The following CHRM2 variants were observed in gnomAD, a reference collection of about 807,000 sequenced individuals.
The protein encoded by CHRM2 is muscarinic acetylcholine receptor M2.
A neutral mutation model predicts 25.0 loss-of-function variants in CHRM2; 8 were observed. The observed-to-expected ratio is 0.32, with a 90% CI of 0.19 to 0.58. The LOEUF is 0.58. CHRM2 is among the 20% of genes least tolerant of loss of function. CHRM2 has a pLI of 0.88. For synonymous variants in CHRM2, 202 were observed against 205.7 expected (o/e 0.98, Z 0.15); for missense variants, 440 against 567.1 (o/e 0.78, Z 2.28).
In CHRM2 at chr7:136,895,218, A is replaced by G. The variant is rs750089383; in HGVS notation, c.-125+25800A>G. On this transcript the variant is annotated intron_variant, in intron 2 of 3. Coordinates refer to ENST00000680005, the MANE Select transcript of CHRM2 (RefSeq NM_001006630.2). The stretch of plus-strand genomic sequence containing the variant: ...AGAAATACAAAACTGTGTGCTTCAG[A>G]TAAGTCTCATTTCCAATTTGATAAC... 1.4e-4 allele frequency among the ~76,000 whole-genome samples: 21 copies of G among 152,190 alleles called. No homozygotes were observed. The South Asian group carries it at 1.4e-3, about 10-fold the overall frequency.
chr7:137,006,701 C>T (rs1435826892), intron 3 of CHRM2, among the ~76,000 whole-genome samples: 2 of 151,886 alleles, frequency 1.3e-5, no homozygotes, highest in Non-Finnish European at 2.9e-5. Flanking sequence ...GCACTGCACA[C>T]AAACCTTAAG....
chr7:136,936,198 G>C (rs990762845), intron 2 of CHRM2, among the ~76,000 whole-genome samples: 1 of 152,260 alleles, frequency 6.6e-6, no homozygotes, highest in Admixed American at 6.5e-5. Context: ...AAATAATGTA[G>C]TTTTCCAATG....
At chr7:136,921,766 TTTTCTTTCTTTC>T (rs565701193) in intron 2 of CHRM2, among the ~76,000 whole-genome samples, 5 of 147,544 alleles carry the variant, frequency 3.4e-5, no homozygotes, top group Non-Finnish European at 7.6e-5. Flanking sequence ...ATTCATGCAA[TTTTCTTTCTTTC>T]TTTCTTTCTT....
intron 2 of CHRM2, among the ~76,000 whole-genome samples, chr7:136,945,159 T>C (rs1484878587): frequency 2.0e-5 from 3 of 152,124 alleles, no homozygotes; most frequent in Non-Finnish European, 4.4e-5. Flanking sequence ...ATTGCAAAGA[T>C]GTTCTCCCCC....
intron 3 of CHRM2, among the ~76,000 whole-genome samples, chr7:137,000,835 T>C (rs1454805600): frequency 1.3e-5 from 2 of 152,116 alleles, no homozygotes; most frequent in Non-Finnish European, 2.9e-5. Flanking sequence ...TGTACTTTAT[T>C]GAGTGATTCA....
intron 3 of CHRM2, among the ~76,000 whole-genome samples, chr7:137,001,158 G>C (rs979915244): frequency 6.6e-6 from 1 of 151,730 alleles, no homozygotes; most frequent in Non-Finnish European, 1.5e-5. Flanking sequence ...CTTCATCCCT[G>C]CCCCCTTCAA....
At chr7:136,889,345 G>A (rs1425760759) in intron 2 of CHRM2, among the ~76,000 whole-genome samples, 2 of 152,128 alleles carry the variant, frequency 1.3e-5, no homozygotes, top group Non-Finnish European at 2.9e-5. Context: ...CTAAGGAAGA[G>A]AACAATCCCT....
chr7:136,951,925 T>G (rs1254428642), intron 2 of CHRM2, among the ~76,000 whole-genome samples: 1 of 152,188 alleles, frequency 6.6e-6, no homozygotes, highest in African/African-American at 2.4e-5. Flanking sequence ...CTCTTCTTTC[T>G]TCAGTTGTTT....
At chr7:136,999,696 T>G (rs925497384) in intron 3 of CHRM2, among the ~76,000 whole-genome samples, 1 of 152,178 alleles carries the variant, frequency 6.6e-6, no homozygotes, top group African/African-American at 2.4e-5. Flanking sequence ...GCTCTGGATA[T>G]CCAAAATCTG....
chr7:136,870,979 G>C (rs1795807002), intron 2 of CHRM2: 1 of 152,556 alleles, frequency 6.6e-6, no homozygotes, highest in Non-Finnish European at 1.5e-5. Context: ...TGCGGCAGCC[G>C]TGTGATTTGC....
intron 2 of CHRM2, among the ~76,000 whole-genome samples, chr7:136,883,528 C>G (rs1429324336): frequency 6.6e-6 from 1 of 152,070 alleles, no homozygotes; most frequent in Non-Finnish European, 1.5e-5. Flanking sequence ...GACTTTGAGT[C>G]TGAACACCTT....
intron 2 of CHRM2, among the ~76,000 whole-genome samples, chr7:136,896,103 C>G (rs1796888649): frequency 6.6e-6 from 1 of 152,078 alleles, no homozygotes; most frequent in African/African-American, 2.4e-5. Context: ...GAACAATTGC[C>G]TTTACTTTTT....
At chr7:136,985,504 C>CAAAA (rs974105875) in intron 2 of CHRM2, among the ~76,000 whole-genome samples, 7 of 59,752 alleles carry the variant, frequency 1.2e-4, no homozygotes, top group African/African-American at 1.5e-4. Flanking sequence ...AGTTAGACTC[C>CAAAA]AAAAAAAAAA....
intron 2 of CHRM2, among the ~76,000 whole-genome samples, chr7:136,989,644 T>C (rs1053421795): frequency 6.6e-6 from 1 of 152,152 alleles, no homozygotes; most frequent in African/African-American, 2.4e-5. Flanking sequence ...TTATACATTT[T>C]AAAACCTAGC....
At chr7:136,912,989 C>T (rs1395822832) in intron 2 of CHRM2, among the ~76,000 whole-genome samples, 1 of 151,820 alleles carries the variant, frequency 6.6e-6, no homozygotes, top group Admixed American at 6.6e-5. Flanking sequence ...AGTATAATTA[C>T]TGTTTTAATT....
At chr7:136,921,425 A>C (rs73158732) in intron 2 of CHRM2, among the ~76,000 whole-genome samples, 23,755 of 151,964 alleles carry the variant, frequency 0.16, 2,150 homozygotes, top group East Asian at 0.38. Flanking sequence ...AAAATCCCCC[A>C]AAAAATCATT....
In CHRM2 at chr7:136,985,872, G is replaced by A. The variant is rs536457826; in HGVS notation, c.-124-6315G>A. Among the ~76,000 whole-genome samples, 20 of 152,272 alleles carry A rather than the reference G, an allele frequency of 1.3e-4. No individual in the cohort carries two copies. In the South Asian group the frequency reaches 3.9e-3, roughly 30 times the overall value. ...CATTGGTATTTTCCATATTCATTTG[G>A]CAAAGATCAGCTTCCACACTGAGGT... On this transcript the variant is annotated intron_variant, in intron 2 of 3. Coordinates refer to ENST00000680005, the MANE Select transcript of CHRM2 (RefSeq NM_001006630.2).
At chr7:136,956,620 T>G (rs976034678) in intron 2 of CHRM2, among the ~76,000 whole-genome samples, 2 of 152,246 alleles carry the variant, frequency 1.3e-5, no homozygotes, top group East Asian at 3.9e-4. Context: ...ATTTGAAAAT[T>G]ACTGGTATAC....
chr7:137,001,828 C>A (rs747469529), intron 3 of CHRM2, among the ~76,000 whole-genome samples: 6 of 152,222 alleles, frequency 3.9e-5, no homozygotes, highest in Non-Finnish European at 8.8e-5. Context: ...ATAGTAGTCA[C>A]CGTATCATAA....
Sources: allele counts gnomAD v4.1 joint callset (sites outside exome capture counted in the v4.1 genomes callset), GRCh38; gene constraint gnomAD v4.1.1; transcripts MANE v1.5; gene names NCBI Gene and HGNC (gene_info 2026-07-23, HGNC 2026-07-21).